FNBP4: variants seen among roughly 807,000 people sequenced by gnomAD.
FNBP4 encodes the protein formin binding protein 4.
FNBP4 carries 34 observed loss-of-function variants against 119.3 expected under a neutral mutation model. The ratio of observed to expected loss-of-function variants is 0.28; its 90% CI spans 0.22 to 0.38. The LOEUF is 0.38. Among genes scored for constraint, FNBP4 ranks in the 10% least tolerant of loss-of-function variants. FNBP4 has a pLI of 1.00. For synonymous variants in FNBP4, 462 were observed against 430.6 expected, an observed-to-expected ratio of 1.07 and a Z score of -0.90; for missense variants, 1,112 against 1,228.9, an observed-to-expected ratio of 0.90 and a Z score of 1.42.
chr11:47,751,091 G>T, intron 5 of FNBP4, 52 bp downstream of exon 5: 1 of 1,612,878 alleles, frequency 6.2e-7, no homozygotes, highest in Non-Finnish European at 8.5e-7. Context: ...ATCAGCAAAA[G>T]ATAAGGCTTC....
At position 47,732,042 on chromosome 11, in the gene FNBP4, A is replaced by C. The variant is rs907515657; in HGVS notation, c.1821-481T>G. ...GGAGAGGATCTGGGAGCTGAAAAATAAAAGAGCAAAGATTTCAAATAACGA... is the reference window on the plus strand; with the variant it reads ...GGAGAGGATCTGGGAGCTGAAAAATCAAAGAGCAAAGATTTCAAATAACGA... On this transcript the variant is annotated intron_variant, in intron 11 of 16. Transcript: ENST00000263773. This position sits in a 1 kb window ranked among gnomAD's most constrained non-coding sequence, Gnocchi z 4.2. The C allele has an allele frequency of 2.0e-6, 2 of 991,944 alleles. No individual in the cohort carries two copies. The highest frequency in any genetic ancestry group is 1.7e-5 in the African/African-American group (1 of 57,448). 61.4% of individuals were successfully genotyped at this position (991,944 alleles called of 1,614,324 possible).
intron 9 of FNBP4, among the ~76,000 whole-genome samples, chr11:47,735,779 T>G (rs2097573104): frequency 1.3e-5 from 2 of 151,998 alleles, no homozygotes. Context: ...GTTTAATAAA[T>G]GGCATTAAAA....
At chr11:47,719,904 T>C in intron 16 of FNBP4, 25 bp downstream of exon 16, 1 of 1,612,482 alleles carries the variant, frequency 6.2e-7, no homozygotes, top group Non-Finnish European at 8.5e-7. Context: ...AAACCCCATC[T>C]CATCTGTGTT....
intron 8 of FNBP4, among the ~76,000 whole-genome samples, chr11:47,738,725 G>A (rs186423437): frequency 6.6e-6 from 1 of 151,914 alleles, no homozygotes; most frequent in African/African-American, 2.4e-5. Context: ...TTGTCGCCCA[G>A]GCTGGAGAAC....
rs747652231 is a variant in FNBP4, at chr11:47,722,145, T to G, written c.2805+831A>C. Among the ~76,000 whole-genome samples, 308 of 64,512 alleles carry G rather than the reference T, an allele frequency of 4.8e-3. 1 individual carries two copies. Among genetic ancestry groups the G allele is most frequent in the Middle Eastern group, 0.035 (4 of 114 alleles). The allele number at this position is 64,512 out of a possible 152,430, so 42.3% of individuals were successfully genotyped here. ...AGAAAGGTTCTACAAAAGCAGAGGG[T>G]TTTTTTTTTTTTTGTCTGTTTGATG... On this transcript the variant is annotated intron_variant, in intron 15 of 16. Coordinates refer to ENST00000263773, the MANE Select transcript of FNBP4 (RefSeq NM_015308.5).
At position 47,754,656 on chromosome 11, in the gene FNBP4, A is replaced by C. The variant is rs776463061; in HGVS notation, c.322T>G (p.Cys108Gly). The change falls in exon 3 of 17, where the codon TGC becomes GGC. Residue 108 changes from cysteine to glycine, a missense_variant. By Grantham distance (159) the Cys-to-Gly change is radical. Around this residue, in one of 2 missense-constraint regions of FNBP4, gnomAD observed 286 missense variants for 240.1 expected, o/e 1.19. Transcript: ENST00000263773. ...CTGTCAGCATAAGCACCAAGCAAGC[A>C]TAGACCGCCTAGAAACAAAAAGGTA... Reference protein sequence around the residue: ...PTAVKATGGLCLLGAYADSDD... With the variant: ...PTAVKATGGLGLLGAYADSDD... 3.0e-5 allele frequency: 48 copies of C among 1,613,692 alleles called. No homozygotes were observed. The East Asian group carries it at 1.0e-3, about 35-fold the overall frequency.
In FNBP4 at chr11:47,734,978, ACC is replaced by A. The variant is rs1554979768; in HGVS notation, c.1582-851_1582-850del. 2.1e-4 allele frequency among the ~76,000 whole-genome samples: 12 copies of A among 57,286 alleles called. 1 individual carries two copies. In the East Asian group the frequency reaches 2.4e-3, roughly 12 times the overall value. The allele number at this position is 57,286 out of a possible 152,430, so 37.6% of individuals were successfully genotyped here. A position where few individuals can be genotyped will look rare whatever the true frequency, so the allele number is the denominator to read the frequency against. The stretch of plus-strand genomic sequence containing the variant: ...CAGAGCAAGACTCCATCACCCCAAC[ACC>A]CCCCCCCCCAAAAAAAAAGGAAATC... On this transcript the variant is annotated intron_variant, in intron 9 of 16. Coordinates refer to ENST00000263773, the MANE Select transcript of FNBP4 (RefSeq NM_015308.5).
At chr11:47,719,284 G>A (rs1191665728) in intron 16 of FNBP4, among the ~76,000 whole-genome samples, 1 of 152,202 alleles carries the variant, frequency 6.6e-6, no homozygotes, top group East Asian at 1.9e-4. Flanking sequence ...GCAATTACTT[G>A]AAGCCAGTTC....
At chr11:47,766,882 G>A (rs925259571) in intron 1 of FNBP4, among the ~76,000 whole-genome samples, 187 bp downstream of exon 1, 1 of 152,012 alleles carries the variant, frequency 6.6e-6, no homozygotes, top group Non-Finnish European at 1.5e-5. Context: ...GGCCCGGGCC[G>A]AGGGCGCAGA....
intron 12 of FNBP4, chr11:47,729,890 T>G: frequency 1.0e-6 from 1 of 985,404 alleles, no homozygotes. Flanking sequence ...ATTCTAGGGG[T>G]TCTCAATAAA....
At chr11:47,755,337 T>A (rs995616223) in intron 2 of FNBP4, among the ~76,000 whole-genome samples, 1 of 148,644 alleles carries the variant, frequency 6.7e-6, no homozygotes, top group African/African-American at 2.5e-5. Context: ...TAATCCCAGC[T>A]ACTCAGGAGG....
intron 16 of FNBP4, among the ~76,000 whole-genome samples, chr11:47,718,265 G>A (rs2097551775): frequency 6.6e-6 from 1 of 151,888 alleles, no homozygotes. Context: ...CCAGACTGGA[G>A]TGCAGTGGCA....
chr11:47,730,425 G>A (rs1350045473), intron 12 of FNBP4, among the ~76,000 whole-genome samples: 1 of 152,150 alleles, frequency 6.6e-6, no homozygotes, highest in Non-Finnish European at 1.5e-5. Flanking sequence ...GGCTATTTAA[G>A]AAGTTAACAA....
chr11:47,734,978 A>ACCCC (rs1554979768), intron 9 of FNBP4, among the ~76,000 whole-genome samples: 1 of 57,316 alleles, frequency 1.7e-5, no homozygotes, highest in African/African-American at 6.2e-5. Flanking sequence ...TCACCCCAAC[A>ACCCC]CCCCCCCCCC....
intron 11 of FNBP4, 113 bp from the exon 12 acceptor site, chr11:47,731,674 T>C: frequency 4.8e-6 from 7 of 1,468,636 alleles, no homozygotes; most frequent in South Asian, 2.9e-5. Context: ...AACCTCTTAA[T>C]GGACTGCTAT....
intron 8 of FNBP4, among the ~76,000 whole-genome samples, chr11:47,740,411 C>CA (rs1365596154): frequency 8.8e-5 from 13 of 147,616 alleles, no homozygotes; most frequent in East Asian, 2.0e-4. Context: ...GACCCCGTCT[C>CA]AAAAAAAAAG....
chr11:47,720,393 CCT>C (rs369374088), intron 15 of FNBP4, among the ~76,000 whole-genome samples: 25 of 151,852 alleles, frequency 1.6e-4, no homozygotes, highest in Non-Finnish European at 3.4e-4. Context: ...ATGGTGAAAC[CCT>C]GTCTCTACTA....
rs748324054 is a variant in FNBP4, at chr11:47,767,322, G to T, written c.-34C>A. On this transcript the variant is annotated 5_prime_UTR_variant, in exon 1 of 17. Coordinates refer to ENST00000263773, the MANE Select transcript of FNBP4 (RefSeq NM_015308.5). ...CAAGCGCGAGCAGAGAGCGTCGGGCGGCCGAGAGGGGCGGGCACTGGAGGC... is the reference window on the plus strand; with the variant it reads ...CAAGCGCGAGCAGAGAGCGTCGGGCTGCCGAGAGGGGCGGGCACTGGAGGC... 5 of 1,443,066 alleles carry T rather than the reference G, an allele frequency of 3.5e-6. No homozygotes were observed. The highest frequency in any genetic ancestry group is 4.5e-6 in the Non-Finnish European group (5 of 1,104,306). The allele number at this position is 1,443,066 out of a possible 1,614,324, so 89.4% of individuals were successfully genotyped here.
At chr11:47,760,436 GTTTTTTTT>G in intron 2 of FNBP4, among the ~76,000 whole-genome samples, 1 of 132,464 alleles carries the variant, frequency 7.5e-6, no homozygotes, top group South Asian at 2.4e-4. Context: ...GTATTTTTTT[GTTTTTTTT>G]TTTTTTGGAG....
Sources: gnomAD v4.1 joint callset for allele counts (sites outside exome capture counted in the v4.1 genomes callset) on GRCh38, gnomAD v4.1.1 for gene constraint, gnomAD v4.1.1 regional missense constraint, Gnocchi (gnomAD v3.1) non-coding constraint, MANE v1.5 for transcripts, NCBI Gene and HGNC (gene_info 2026-07-23, HGNC 2026-07-21) for gene names.